Variants in UBE2J2 observed in about 807,000 individuals in gnomAD.
UBE2J2 encodes the protein ubiquitin conjugating enzyme E2 J2, also known as ubiquitin-conjugating enzyme E2 J2.
In UBE2J2, 5 loss-of-function variants were observed where a neutral mutation model predicts 28.6. The ratio of observed to expected loss-of-function variants is 0.17; its 90% CI spans 0.09 to 0.37. UBE2J2 has a LOEUF of 0.37. Ranked by LOEUF, UBE2J2 falls within the 10% of genes least tolerant of loss-of-function variation. The probability of loss-of-function intolerance (pLI) is 1.00; values close to 1 mark genes in which losing one functional copy is unlikely to be tolerated. For synonymous variants in UBE2J2, 138 were observed against 139.7 expected (o/e 0.99, Z 0.09); for missense variants, 226 against 338.9 (o/e 0.67, Z 2.62).
At chr1:1,269,267 G>C (rs1490668858) in intron 1 of UBE2J2, among the ~76,000 whole-genome samples, 2 of 143,998 alleles carry the variant, frequency 1.4e-5, no homozygotes, top group Admixed American at 6.9e-5. Context: ...TCATGCAAGA[G>C]AGGAGGCTGG....
At position 1,258,544 on chromosome 1, in the gene UBE2J2, C is replaced by T. The variant is rs180704535; in HGVS notation, c.173-1234G>A. Reference sequence around the variant, plus strand: ...CCTGGGGTCGCCCTAGTTTCACGGCCTCCCATCAGGAGCCCTGCAATGGCT... The same window carrying T: ...CCTGGGGTCGCCCTAGTTTCACGGCTTCCCATCAGGAGCCCTGCAATGGCT... On this transcript the variant is annotated intron_variant, in intron 3 of 6. Transcript: ENST00000349431. Among the ~76,000 whole-genome samples, 6 of 152,274 alleles carry T rather than the reference C, an allele frequency of 3.9e-5. No homozygotes were observed. In the East Asian group the frequency reaches 1.2e-3, roughly 29 times the overall value.
rs1413524222 is a variant in UBE2J2 at position 1,268,340 on chromosome 1, T to A, written c.1-348A>T. Among the ~76,000 whole-genome samples, 1 of 152,086 alleles carries A rather than the reference T, an allele frequency of 6.6e-6. No homozygotes were observed. The highest frequency in any genetic ancestry group is 1.5e-5 in the Non-Finnish European group (1 of 68,032). On this transcript the variant is annotated intron_variant, in intron 1 of 6. Coordinates refer to ENST00000349431, the MANE Select transcript of UBE2J2 (RefSeq NM_058167.3). The surrounding 1 kb of genome is among the most constrained non-coding windows in gnomAD (Gnocchi z 4.7). Reference sequence around the variant, plus strand: ...CGGGCCACAGCCTCAGACCAGCTCCTGAGGGCAGCTACTCGCACCTTCCAA... The same window carrying A: ...CGGGCCACAGCCTCAGACCAGCTCCAGAGGGCAGCTACTCGCACCTTCCAA...
intron 3 of UBE2J2, 139 bp downstream of exon 3, chr1:1,263,207 G>T: frequency 1.3e-6 from 1 of 792,092 alleles, no homozygotes; most frequent in Non-Finnish European, 2.2e-6. Flanking sequence ...ACGAGGAGGA[G>T]TTCCAACTAA....
At chr1:1,262,682 G>A (rs771974327) in intron 3 of UBE2J2, among the ~76,000 whole-genome samples, 4 of 152,166 alleles carry the variant, frequency 2.6e-5, no homozygotes, top group Non-Finnish European at 5.9e-5. Context: ...CAGTATTCAC[G>A]GGCACACTGA....
rs1027263086 is a variant in UBE2J2, at chr1:1,255,117, T to C, written c.*86A>G. 20 of 1,399,136 alleles carry C rather than the reference T, an allele frequency of 1.4e-5. No homozygotes were observed. Among genetic ancestry groups the C allele is most frequent in the Non-Finnish European group, 1.7e-5 (18 of 1,044,902 alleles). 86.7% of individuals were successfully genotyped at this position (1,399,136 alleles called of 1,614,324 possible). A position where few individuals can be genotyped will look rare whatever the true frequency, so the allele number is the denominator to read the frequency against. On this transcript the variant is annotated 3_prime_UTR_variant, in exon 7 of 7. Coordinates refer to ENST00000349431, the MANE Select transcript of UBE2J2 (RefSeq NM_058167.3). ...AACCTAGGAGCCTGGTGGGTCTGCCTGTGCTGGGCAGTGTGTCCAGCCTGC... is the reference window on the plus strand; with the variant it reads ...AACCTAGGAGCCTGGTGGGTCTGCCCGTGCTGGGCAGTGTGTCCAGCCTGC...
chr1:1,261,921 G>A (rs1188398976), intron 3 of UBE2J2, among the ~76,000 whole-genome samples: 8 of 151,960 alleles, frequency 5.3e-5, no homozygotes, highest in African/African-American at 1.5e-4. Context: ...ACAACGGCAC[G>A]ACCTCGGCTC....
intron 2 of UBE2J2, among the ~76,000 whole-genome samples, chr1:1,265,458 G>A (rs2101075735): frequency 6.6e-6 from 1 of 152,254 alleles, no homozygotes; most frequent in South Asian, 2.1e-4. Context: ...GAGTTTCTCT[G>A]CTCAACATTC....
At chr1:1,266,008 C>T in intron 2 of UBE2J2, 1 of 1,278,184 alleles carries the variant, frequency 7.8e-7, no homozygotes, top group African/African-American at 1.5e-5. Context: ...ACGCCTGACC[C>T]ACAGATTTGT....
At chr1:1,265,163 A>T (rs1269428736) in intron 2 of UBE2J2, among the ~76,000 whole-genome samples, 1 of 152,152 alleles carries the variant, frequency 6.6e-6, no homozygotes, top group Non-Finnish European at 1.5e-5. Context: ...GGGGCGGCTG[A>T]GAGAAGATGG....
intron 6 of UBE2J2, among the ~76,000 whole-genome samples, chr1:1,255,757 C>G (rs111814584): frequency 2.6e-5 from 4 of 152,234 alleles, no homozygotes; most frequent in African/African-American, 9.6e-5. Flanking sequence ...ACATGGCAGC[C>G]GCTGTGCCTC....
At chr1:1,261,935 G>A (rs1320069815) in intron 3 of UBE2J2, among the ~76,000 whole-genome samples, 1 of 152,146 alleles carries the variant, frequency 6.6e-6, no homozygotes, top group Non-Finnish European at 1.5e-5. Context: ...TCGGCTCACT[G>A]CAACCTCCGC....
At chr1:1,258,648 C>T (rs547120248) in intron 3 of UBE2J2, among the ~76,000 whole-genome samples, 4 of 152,236 alleles carry the variant, frequency 2.6e-5, no homozygotes, top group Non-Finnish European at 5.9e-5. Context: ...CACAGCACAG[C>T]GCCCAGACGC....
chr1:1,272,531 C>T (rs752620178), intron 1 of UBE2J2, among the ~76,000 whole-genome samples: 22 of 152,236 alleles, frequency 1.4e-4, no homozygotes, highest in Non-Finnish European at 2.9e-4. Context: ...TCTCTGCCTT[C>T]TCCACCAGAC....
At chr1:1,271,239 C>T (rs6668223) in intron 1 of UBE2J2, among the ~76,000 whole-genome samples, 2 of 152,238 alleles carry the variant, frequency 1.3e-5, no homozygotes, top group Non-Finnish European at 2.9e-5. Context: ...CTAAAGAAGC[C>T]AATGGGCCAG....
intron 5 of UBE2J2, 33 bp downstream of exon 5, chr1:1,256,959 G>T (rs755408022): frequency 5.6e-6 from 8 of 1,440,556 alleles, no homozygotes; most frequent in Non-Finnish European, 7.3e-6. Flanking sequence ...ACACAAGGCT[G>T]ACGGCCCACC....
intron 3 of UBE2J2, among the ~76,000 whole-genome samples, chr1:1,259,937 G>T (rs770506939): frequency 6.6e-6 from 1 of 152,216 alleles, no homozygotes; most frequent in Non-Finnish European, 1.5e-5. Context: ...TGCATGTGTG[G>T]CCTCCCGCAC....
At chr1:1,262,320 G>A (rs757124205) in intron 3 of UBE2J2, 9 of 456,144 alleles carry the variant, frequency 2.0e-5, no homozygotes, top group African/African-American at 1.4e-4. Context: ...CACGATGATG[G>A]AGGGCCCACC....
chr1:1,255,967 G>T, intron 6 of UBE2J2, 78 bp downstream of exon 6: 2 of 1,104,694 alleles, frequency 1.8e-6, no homozygotes, highest in Admixed American at 1.7e-5. Flanking sequence ...TCAGGACACA[G>T]ATTTTACTCT....
chr1:1,267,791 C>G, intron 2 of UBE2J2, 71 bp downstream of exon 2: 2 of 1,589,698 alleles, frequency 1.3e-6, no homozygotes, highest in Non-Finnish European at 1.7e-6. Context: ...CAGGCTCGCC[C>G]AGCAGGGGCC....
Sources: gnomAD v4.1 joint callset for allele counts (sites outside exome capture counted in the v4.1 genomes callset) on GRCh38, gnomAD v4.1.1 for gene constraint, Gnocchi (gnomAD v3.1) non-coding constraint, MANE v1.5 for transcripts, NCBI Gene and HGNC (gene_info 2026-07-23, HGNC 2026-07-21) for gene names.